Variants in CACNA1C observed in about 807,000 individuals in gnomAD.
CACNA1C encodes the protein calcium voltage-gated channel subunit alpha1 C.
In CACNA1C, 30 loss-of-function variants were observed where a neutral mutation model predicts 229.0. The observed-to-expected ratio is 0.13, with a 90% CI of 0.10 to 0.18. The LOEUF is 0.18. Ranked by LOEUF, CACNA1C falls within the 10% of genes least tolerant of loss-of-function variation. The pLI, the probability that CACNA1C is intolerant of heterozygous loss-of-function variation, is 1.00. For synonymous variants in CACNA1C, 1,114 were observed against 1,132.5 expected, an observed-to-expected ratio of 0.98 and a Z score of 0.33; for missense variants, 1,658 against 2,845.0, an observed-to-expected ratio of 0.58 and a Z score of 9.49.
chr12:2,219,023 TGGAAG>T (rs1273831256), intron 3 of CACNA1C, among the ~76,000 whole-genome samples: 1 of 152,196 alleles, frequency 6.6e-6, no homozygotes, highest in Non-Finnish European at 1.5e-5. Flanking sequence ...GCTTGACATG[TGGAAG>T]GGAAGGGTTG....
intron 3 of CACNA1C, among the ~76,000 whole-genome samples, chr12:2,251,159 C>T (rs921219088): frequency 6.6e-6 from 1 of 152,114 alleles, no homozygotes; most frequent in Non-Finnish European, 1.5e-5. Context: ...AGTGGAGAAT[C>T]GTTGCTGAGG....
chr12:2,686,212 C>T lies in CACNA1C; in HGVS notation c.5727C>T (p.Asp1909=). 2 of 1,613,794 alleles carry T rather than the reference C, an allele frequency of 1.2e-6. No homozygotes were observed. The highest frequency in any genetic ancestry group is 8.5e-7 in the Non-Finnish European group (1 of 1,179,878). Residue 1909 remains aspartate, a synonymous_variant, in exon 45 of 47, where the codon GAC becomes GAT. Transcript: ENST00000399655. ...FHLECLKRQK[D]RGGDISQKTV... ...TGGAATGTCTGAAGCGACAGAAGGA[C>T]CGAGGGGGAGACATCTCTCAGAAGA...
intron 1 of CACNA1C, among the ~76,000 whole-genome samples, chr12:2,055,555 C>T (rs1048321700): frequency 6.6e-6 from 1 of 152,188 alleles, no homozygotes; most frequent in Non-Finnish European, 1.5e-5. Flanking sequence ...CTCAGCATCT[C>T]CCTGCTGTAT....
At chr12:2,062,815 C>G (rs2057983978) in intron 1 of CACNA1C, among the ~76,000 whole-genome samples, 1 of 152,188 alleles carries the variant, frequency 6.6e-6, no homozygotes, top group Non-Finnish European at 1.5e-5. Context: ...CAGTCACTCC[C>G]TCCAGGAAAA....
chr12:2,537,608 T>C (rs2099858810), intron 9 of CACNA1C, among the ~76,000 whole-genome samples: 1 of 152,206 alleles, frequency 6.6e-6, no homozygotes, highest in South Asian at 2.1e-4. Flanking sequence ...CCCTTTCCAA[T>C]CATACCACGT....
At chr12:2,620,250 T>C (rs2082566110) in intron 29 of CACNA1C, among the ~76,000 whole-genome samples, 2 of 22,590 alleles carry the variant, frequency 8.9e-5, no homozygotes, top group Non-Finnish European at 9.7e-3. Flanking sequence ...CTGCTTAGTA[T>C]GCACCCTAAT....
At chr12:2,659,362 A>AT (rs2095588542) in intron 34 of CACNA1C, among the ~76,000 whole-genome samples, 1 of 152,240 alleles carries the variant, frequency 6.6e-6, no homozygotes, top group African/African-American at 2.4e-5. Context: ...GTACAGTCAC[A>AT]TGCTGTATAA....
Position 2,589,230 on chromosome 12 carries a change from G to A in CACNA1C, c.2530+3326G>A, listed in dbSNP as rs550981345. Among the ~76,000 whole-genome samples the A allele has an allele frequency of 2.3e-4, 35 of 152,358 alleles. No homozygotes were observed. In the Middle Eastern group the frequency reaches 0.01, roughly 44 times the overall value. ...CCACCCTCCTGGAACTGACATATCA[G>A]TGGGGAGACAGGCAGCAGACAAACC... On this transcript the variant is annotated intron_variant, in intron 18 of 46. Coordinates refer to ENST00000399655, the MANE Select transcript of CACNA1C (RefSeq NM_000719.7).
chr12:1,996,098 T>C (rs2040726149), intron 1 of CACNA1C, among the ~76,000 whole-genome samples: 1 of 152,212 alleles, frequency 6.6e-6, no homozygotes, highest in Admixed American at 6.5e-5. Flanking sequence ...TCAATTTCTA[T>C]TATTCTAATC....
intron 3 of CACNA1C, among the ~76,000 whole-genome samples, chr12:2,437,257 G>T (rs1275749732): frequency 6.6e-6 from 1 of 152,256 alleles, no homozygotes; most frequent in Non-Finnish European, 1.5e-5. Context: ...GGTAGGGGAA[G>T]AGTGGGGAGG....
At chr12:2,468,827 C>T (rs1419185473) in intron 5 of CACNA1C, among the ~76,000 whole-genome samples, 6 of 152,168 alleles carry the variant, frequency 3.9e-5, no homozygotes, top group Admixed American at 3.9e-4. Flanking sequence ...GTCATTTAAC[C>T]TCTGACCCTC....
intron 30 of CACNA1C, among the ~76,000 whole-genome samples, chr12:2,637,284 A>G (rs2092883553): frequency 6.6e-6 from 1 of 152,250 alleles, no homozygotes; most frequent in Non-Finnish European, 1.5e-5. Flanking sequence ...ATAAACTGGT[A>G]AAGCACTGTG....
At chr12:1,992,286 T>C (rs2039613223) in intron 1 of CACNA1C, 1 of 158,888 alleles carries the variant, frequency 6.3e-6, no homozygotes, top group Non-Finnish European at 1.4e-5. Flanking sequence ...AACCACCTAT[T>C]ATGACAATTA....
intron 30 of CACNA1C, among the ~76,000 whole-genome samples, chr12:2,641,040 G>A (rs550034420): frequency 1.4e-4 from 22 of 152,354 alleles, no homozygotes; most frequent in Admixed American, 1.2e-3. Context: ...TGCCATGGCA[G>A]AGAAGGGGCC....
At chr12:2,243,591 C>G (rs1176738683) in intron 3 of CACNA1C, among the ~76,000 whole-genome samples, 1 of 152,190 alleles carries the variant, frequency 6.6e-6, no homozygotes, top group African/African-American at 2.4e-5. Flanking sequence ...GGAGTCAGAT[C>G]TGGGTTTGAC....
At position 2,648,629 on chromosome 12, in the gene CACNA1C, C is replaced by T. The variant is rs1304655821; in HGVS notation, c.3945+122C>T. ...GCCTGGCTCTCACTGCATGTGGCCACTGTGTCTGCCGTGTGCCTTGCCTGC... is the reference window on the plus strand; with the variant it reads ...GCCTGGCTCTCACTGCATGTGGCCATTGTGTCTGCCGTGTGCCTTGCCTGC... On this transcript the variant is annotated intron_variant, in intron 31 of 46. Transcript: ENST00000399655. 9 of 814,452 alleles carry T rather than the reference C, an allele frequency of 1.1e-5. No homozygotes were observed. The Middle Eastern group carries it at 7.8e-4, about 70-fold the overall frequency. The allele number at this position is 814,452 out of a possible 1,614,324, so 50.5% of individuals were successfully genotyped here.
At chr12:2,049,763 C>T, upstream of CACNA1C, among the ~76,000 whole-genome samples, 1 of 152,172 alleles carries the variant, frequency 6.6e-6, no homozygotes, top group Non-Finnish European at 1.5e-5. Context: ...GAAATGCAGA[C>T]TCCCTCCTCT....
chr12:2,304,220 G>C (rs1439013028), intron 3 of CACNA1C, among the ~76,000 whole-genome samples: 2 of 152,136 alleles, frequency 1.3e-5, no homozygotes, highest in Non-Finnish European at 2.9e-5. Flanking sequence ...ATTCCAGTGG[G>C]CTGCCAGCCG....
At chr12:2,422,311 A>G (rs1258861852) in intron 3 of CACNA1C, among the ~76,000 whole-genome samples, 2 of 152,186 alleles carry the variant, frequency 1.3e-5, no homozygotes. Context: ...GGCCAGTGGA[A>G]TGGAGGGAAA....
Sources: allele counts gnomAD v4.1 joint callset (sites outside exome capture counted in the v4.1 genomes callset), GRCh38; gene constraint gnomAD v4.1.1; transcripts MANE v1.5; gene names NCBI Gene and HGNC (gene_info 2026-07-23, HGNC 2026-07-21).